CACNA2D1: variants seen among roughly 807,000 people sequenced by gnomAD.
The protein encoded by CACNA2D1 is calcium voltage-gated channel auxiliary subunit alpha2delta 1.
Under a neutral mutation model 171.5 loss-of-function variants are expected in CACNA2D1, and 53 were observed. The ratio of observed to expected loss-of-function variants is 0.31; its 90% CI spans 0.25 to 0.39. The LOEUF (loss-of-function observed/expected upper bound fraction) is 0.39, where lower values mean the gene tolerates loss of function less well. Ranked by LOEUF, CACNA2D1 falls within the 10% of genes least tolerant of loss-of-function variation. The pLI is 1.00. For synonymous variants in CACNA2D1, 442 were observed against 443.1 expected (o/e 1.00, Z 0.03); for missense variants, 903 against 1,299.8 (o/e 0.69, Z 4.69).
intron 4 of CACNA2D1, among the ~76,000 whole-genome samples, chr7:82,150,863 A>G (rs77937476): frequency 0.054 from 8,244 of 152,232 alleles, 295 homozygotes; most frequent in South Asian, 0.092. Flanking sequence ...GAAGGAAAAA[A>G]AATGAAATGG....
chr7:82,429,187 C>T (rs1209332092), intron 1 of CACNA2D1, among the ~76,000 whole-genome samples: 5 of 152,258 alleles, frequency 3.3e-5, no homozygotes, highest in South Asian at 2.1e-4. Flanking sequence ...ATTCTATGTA[C>T]ATGTAGCATA....
chr7:82,136,674 G>T lies in CACNA2D1; in HGVS notation c.357C>A (p.Ser119Arg), dbSNP rs755348061. Residue 119 changes from serine (S) to arginine (R), a missense_variant and splice_region_variant, in exon 5 of 39, where the codon AGC becomes AGA. By Grantham distance (110) the Ser-to-Arg change is moderately radical. Transcript: ENST00000356860. ...TTGCATTGTAGTAGACAACTTCATT[G>T]CTCTACAAAAAAAAAAGAACGCTTT... ...AAHQWREDFA[S>R]NEVVYYNAKD... 1.3e-6 allele frequency: 2 copies of T among 1,576,664 alleles called. No individual in the cohort carries two copies. The highest frequency in any genetic ancestry group is 1.7e-6 in the Non-Finnish European group (2 of 1,159,582).
chr7:82,046,973 TTCTC>T (rs1156522536), intron 10 of CACNA2D1, among the ~76,000 whole-genome samples: 2 of 152,182 alleles, frequency 1.3e-5, no homozygotes, highest in African/African-American at 4.8e-5. Flanking sequence ...AATTTTATAA[TTCTC>T]TAATCATATT....
intron 3 of CACNA2D1, among the ~76,000 whole-genome samples, chr7:82,319,278 AATC>A (rs1442273533): frequency 6.6e-6 from 1 of 152,208 alleles, no homozygotes; most frequent in Non-Finnish European, 1.5e-5. Flanking sequence ...TCTACTGAGA[AATC>A]ATGAGGATTA....
intron 3 of CACNA2D1, among the ~76,000 whole-genome samples, chr7:82,300,617 A>G (rs148762349): frequency 9.1e-4 from 139 of 152,260 alleles, no homozygotes; most frequent in Middle Eastern, 3.4e-3. Flanking sequence ...AAACACGTCA[A>G]CCATGTTTTC....
Position 82,389,163 on chromosome 7 carries a change from T to TACAC in CACNA2D1, c.96-39515_96-39514insGTGT, listed in dbSNP as rs147281778. Among the ~76,000 whole-genome samples the TACAC allele has an allele frequency of 1.3e-3, 195 of 145,412 alleles. 1 individual carries two copies. Among genetic ancestry groups the TACAC allele is most frequent in the Non-Finnish European group, 2.1e-3 (139 of 67,030 alleles). Reference sequence around the variant, plus strand: ...ATATATATATTTATATATATATATATATACACACACACACATTATGTGTAT... The same window carrying TACAC: ...ATATATATATTTATATATATATATATACACATACACACACACACATTATGTGTAT... On this transcript the variant is annotated intron_variant, in intron 1 of 38. Coordinates refer to ENST00000356860, the MANE Select transcript of CACNA2D1 (RefSeq NM_000722.4).
intron 6 of CACNA2D1, among the ~76,000 whole-genome samples, chr7:82,108,813 T>G (rs1304933527): frequency 6.6e-6 from 1 of 152,216 alleles, no homozygotes; most frequent in East Asian, 1.9e-4. Context: ...GCCAAACTTA[T>G]TAATTATGGT....
chr7:82,385,646 GGTT>G (rs941224202), intron 1 of CACNA2D1, among the ~76,000 whole-genome samples: 10 of 141,728 alleles, frequency 7.1e-5, no homozygotes, highest in African/African-American at 2.9e-4. Flanking sequence ...GGGGTTTTTT[GGTT>G]GTTTTGTTTT....
chr7:82,379,732 T>G (rs2129449171), intron 1 of CACNA2D1, among the ~76,000 whole-genome samples: 1 of 152,290 alleles, frequency 6.6e-6, no homozygotes, highest in Admixed American at 6.5e-5. Context: ...CTGGAAATAA[T>G]TTGTTTTCAC....
chr7:82,158,581 C>A (rs761015549), intron 4 of CACNA2D1, among the ~76,000 whole-genome samples: 2 of 151,816 alleles, frequency 1.3e-5, no homozygotes, highest in Non-Finnish European at 2.9e-5. Context: ...ACTCATTGTC[C>A]TTTATTTAAG....
chr7:81,956,943 T>G, intron 38 of CACNA2D1, among the ~76,000 whole-genome samples: 1 of 152,068 alleles, frequency 6.6e-6, no homozygotes, highest in Non-Finnish European at 1.5e-5. Context: ...ATTAATAATT[T>G]TGGGCTAGAT....
chr7:82,335,878 G>A (rs1343191894), intron 2 of CACNA2D1, among the ~76,000 whole-genome samples: 1 of 152,128 alleles, frequency 6.6e-6, no homozygotes, highest in Non-Finnish European at 1.5e-5. Context: ...CTGAATTTAA[G>A]CTAGGTGCCA....
intron 2 of CACNA2D1, among the ~76,000 whole-genome samples, chr7:82,348,601 T>A (rs1291657079): frequency 6.6e-6 from 1 of 152,214 alleles, no homozygotes; most frequent in Admixed American, 6.5e-5. Flanking sequence ...AGTTGTTTTA[T>A]AAAGAGATTC....
intron 3 of CACNA2D1, among the ~76,000 whole-genome samples, chr7:82,211,169 G>C (rs1428477354): frequency 6.6e-6 from 1 of 151,044 alleles, no homozygotes; most frequent in Non-Finnish European, 1.5e-5. Flanking sequence ...ATTTCCCTTG[G>C]GACAGGGGGA....
rs367785810 is a variant in CACNA2D1, at chr7:82,117,005, G to A, written c.526+39C>T. 1.3e-4 allele frequency: 215 copies of A among 1,608,676 alleles called. 1 individual carries two copies. The African/African-American group carries it at 2.7e-3, about 20-fold the overall frequency. On this transcript the variant is annotated intron_variant, in intron 6 of 38. Coordinates refer to ENST00000356860, the MANE Select transcript of CACNA2D1 (RefSeq NM_000722.4). The stretch of plus-strand genomic sequence containing the variant: ...CATGGGAAACATAAGACAGGCGAGA[G>A]CATGGTATTCCAACAGATGTTAACA...
intron 3 of CACNA2D1, among the ~76,000 whole-genome samples, chr7:82,241,260 A>T (rs1804240969): frequency 6.6e-6 from 1 of 152,180 alleles, no homozygotes; most frequent in Non-Finnish European, 1.5e-5. Context: ...ACATTAACAG[A>T]TTATCACTTA....
rs1352835955 is a variant in CACNA2D1 at position 82,135,797 on chromosome 7, GAA to G, written c.396+836_396+837del. Among the ~76,000 whole-genome samples the G allele has an allele frequency of 2.0e-5, 3 of 152,040 alleles. No individual in the cohort carries two copies. The East Asian group carries it at 5.8e-4, about 29-fold the overall frequency. On this transcript the variant is annotated intron_variant, in intron 5 of 38. Coordinates refer to ENST00000356860, the MANE Select transcript of CACNA2D1 (RefSeq NM_000722.4). ...ATTTTGATTCGGATGAGAAATGTGT[GAA>G]AGACATGTAATACTTTTATTATATT... is the stretch of plus-strand genomic sequence containing the variant.
intron 1 of CACNA2D1, among the ~76,000 whole-genome samples, chr7:82,351,403 A>G (rs1025401414): frequency 3.9e-5 from 6 of 152,082 alleles, no homozygotes; most frequent in Non-Finnish European, 5.9e-5. Flanking sequence ...TAAGAGAAAG[A>G]AAAAAATGGA....
chr7:82,288,190 C>A (rs886515807), intron 3 of CACNA2D1, among the ~76,000 whole-genome samples: 2 of 151,988 alleles, frequency 1.3e-5, no homozygotes, highest in African/African-American at 4.8e-5. Context: ...AACTTTCCTG[C>A]AATTCTCTTC....
Sources: allele counts gnomAD v4.1 joint callset (sites outside exome capture counted in the v4.1 genomes callset), GRCh38; gene constraint gnomAD v4.1.1; transcripts MANE v1.5; gene names NCBI Gene and HGNC (gene_info 2026-07-23, HGNC 2026-07-21).